The following CXADR variants were observed in gnomAD, a reference collection of about 807,000 sequenced individuals.
The protein encoded by CXADR is coxsackievirus and adenovirus receptor.
In CXADR, 20 loss-of-function variants were observed where a neutral mutation model predicts 40.3. That is an observed-to-expected ratio of 0.50 (90% CI 0.35 to 0.72). The LOEUF is 0.72. Ranked by LOEUF, CXADR falls within the 30% of genes least tolerant of loss-of-function variation. CXADR has a pLI of 0.01. For synonymous variants in CXADR, 150 were observed against 161.3 expected (o/e 0.93, Z 0.53); for missense variants, 332 against 449.1 (o/e 0.74, Z 2.36).
Position 17,567,776 on chromosome 21 carries a change from A to C in CXADR, c.*2084A>C. 1 of 906,586 alleles carries C rather than the reference A, an allele frequency of 1.1e-6. No individual in the cohort carries two copies. The highest frequency in any genetic ancestry group is 1.3e-6 in the Non-Finnish European group (1 of 757,880). The allele number at this position is 906,586 out of a possible 1,614,324, so 56.2% of individuals were successfully genotyped here. ...TAATAATAAAGTTTTGGTTCTTCCT[A>C]TTCCTGACTTTCATATAATGAAAAT... On this transcript the variant is annotated 3_prime_UTR_variant, in exon 7 of 7. Transcript: ENST00000284878.
the CXADR span, among the ~76,000 whole-genome samples, chr21:17,629,994 C>G: frequency 6.6e-6 from 1 of 152,084 alleles, no homozygotes; most frequent in Non-Finnish European, 1.5e-5. Flanking sequence ...GCCAGAATAA[C>G]CCAGGATGTC....
At chr21:17,573,512 G>C (rs933895848), downstream of CXADR, among the ~76,000 whole-genome samples, 1 of 152,110 alleles carries the variant, frequency 6.6e-6, no homozygotes, top group Non-Finnish European at 1.5e-5. Context: ...GTTATTTCAT[G>C]ATCCTCAACT....
intron 4 of CXADR, among the ~76,000 whole-genome samples, chr21:17,559,747 C>T (rs2739391): frequency 0.48 from 69,398 of 144,780 alleles, 19,912 homozygotes; most frequent in Non-Finnish European, 0.63. Context: ...GGTAGAATCT[C>T]GGCTCCCTGC....
chr21:17,565,041 G>A (rs746852714), intron 6 of CXADR, among the ~76,000 whole-genome samples: 3 of 152,152 alleles, frequency 2.0e-5, no homozygotes, highest in Non-Finnish European at 4.4e-5. Flanking sequence ...TATACCTGTA[G>A]GTGTTAGTGT....
intron 7 of CXADR, among the ~76,000 whole-genome samples, chr21:17,586,290 T>C (rs963186822): frequency 6.6e-6 from 1 of 151,428 alleles, no homozygotes; most frequent in Non-Finnish European, 1.5e-5. Flanking sequence ...TTACACATTT[T>C]GTGAAAATTT....
At position 17,536,355 on chromosome 21, in the gene CXADR, G is replaced by A. The variant is rs543314629; in HGVS notation, c.44-10672G>A. On this transcript the variant is annotated intron_variant, in intron 1 of 6. Transcript: ENST00000284878. ...TTTCCTTCCATCAGTATGTGACCAGGCTCGCTCAATTCCCTGAGCTGTTTC... is the reference window on the plus strand; with the variant it reads ...TTTCCTTCCATCAGTATGTGACCAGACTCGCTCAATTCCCTGAGCTGTTTC... Among the ~76,000 whole-genome samples, 62 of 152,070 alleles carry A rather than the reference G, an allele frequency of 4.1e-4. 1 individual carries two copies. The highest frequency in any genetic ancestry group is 2.6e-4 in the Admixed American group (4 of 15,264).
At chr21:17,557,476 G>A (rs1052649737) in intron 3 of CXADR, among the ~76,000 whole-genome samples, 3 of 152,218 alleles carry the variant, frequency 2.0e-5, no homozygotes, top group Admixed American at 6.5e-5. Flanking sequence ...GTGGCATTCC[G>A]TGGTTCCTCG....
At position 17,569,039 on chromosome 21, in the gene CXADR, T is replaced by C; in HGVS notation, c.*3347T>C. ...GTTAATCTTGGAAATTTGGAACAAG[T>C]AAAGGGGCAAGTAAACCTTTTGATG... On this transcript the variant is annotated 3_prime_UTR_variant, in exon 7 of 7. Transcript: ENST00000284878. The C allele has an allele frequency of 1.0e-6, 1 of 985,364 alleles. No individual in the cohort carries two copies. Among genetic ancestry groups the C allele is most frequent in the East Asian group, 1.1e-4 (1 of 8,814 alleles). 61.0% of individuals were successfully genotyped at this position (985,364 alleles called of 1,614,324 possible).
chr21:17,611,650 C>T, the CXADR span: 3 of 152,186 alleles, frequency 2.0e-5, no homozygotes, highest in Non-Finnish European at 2.9e-5. Flanking sequence ...AGGCGTCCTC[C>T]ACCCACACTC....
chr21:17,529,034 C>CTTTTTTTTTT (rs10530177), intron 1 of CXADR, among the ~76,000 whole-genome samples: 8 of 121,382 alleles, frequency 6.6e-5, no homozygotes, highest in African/African-American at 1.2e-4. Flanking sequence ...GACTTTTTGT[C>CTTTTTTTTTT]TTTTTTTTTT....
Position 17,568,529 on chromosome 21 carries a change from A to G in CXADR, c.*2837A>G, listed in dbSNP as rs563632350. 557 of 981,514 alleles carry G rather than the reference A, an allele frequency of 5.7e-4. 4 individuals carry two copies. In the African/African-American group the frequency reaches 9.3e-3, roughly 16 times the overall value. 60.8% of individuals were successfully genotyped at this position (981,514 alleles called of 1,614,324 possible). ...GTTACAGAGGATAATTTGAAGAGAA[A>G]TGTTACTGTAGAATATATAGTTCTG... On this transcript the variant is annotated 3_prime_UTR_variant, in exon 7 of 7. Coordinates refer to ENST00000284878, the MANE Select transcript of CXADR (RefSeq NM_001338.5).
At chr21:17,521,144 G>A (rs2060525413) in intron 1 of CXADR, among the ~76,000 whole-genome samples, 1 of 152,106 alleles carries the variant, frequency 6.6e-6, no homozygotes, top group African/African-American at 2.4e-5. Flanking sequence ...ACATGAGGAA[G>A]CAGCTGGGAG....
At chr21:17,520,349 C>G (rs186517240) in intron 1 of CXADR, among the ~76,000 whole-genome samples, 24 of 152,244 alleles carry the variant, frequency 1.6e-4, no homozygotes, top group Admixed American at 1.4e-3. Context: ...ATGTAAGGCA[C>G]CTAACCAGTG....
intron 5 of CXADR, among the ~76,000 whole-genome samples, 153 bp downstream of exon 5, chr21:17,560,977 TTTA>T (rs1159451309): frequency 6.6e-6 from 1 of 152,172 alleles, no homozygotes; most frequent in Non-Finnish European, 1.5e-5. Flanking sequence ...AAAAATACAT[TTTA>T]TTAAAAAAAC....
rs542510562 is a variant in CXADR at position 17,553,697 on chromosome 21, C to A, written c.415+1744C>A. On this transcript the variant is annotated intron_variant, in intron 3 of 6. Transcript: ENST00000284878. ...AGTGCAGTGGCATGATCTCGGCTCA[C>A]GGCAACCTCCGCCTCCTGGGTTCAA... Among the ~76,000 whole-genome samples, 4 of 151,064 alleles carry A rather than the reference C, an allele frequency of 2.6e-5. No individual in the cohort carries two copies. The East Asian group carries it at 7.8e-4, about 30-fold the overall frequency.
At chr21:17,541,557 CAA>C (rs946318424) in intron 1 of CXADR, among the ~76,000 whole-genome samples, 1 of 146,844 alleles carries the variant, frequency 6.8e-6, no homozygotes, top group Admixed American at 6.8e-5. Context: ...GACTCTGTCT[CAA>C]AAAAAAAATC....
intron 1 of CXADR, among the ~76,000 whole-genome samples, chr21:17,523,650 G>A (rs1600949335): frequency 6.6e-6 from 1 of 152,168 alleles, no homozygotes; most frequent in East Asian, 1.9e-4. Flanking sequence ...GCAAGTAGTT[G>A]ATGTGAAGAT....
chr21:17,587,587 G>A (rs956973746), intron 7 of CXADR, among the ~76,000 whole-genome samples: 1 of 152,096 alleles, frequency 6.6e-6, no homozygotes, highest in African/African-American at 2.4e-5. Flanking sequence ...CGATGGGGTT[G>A]TTTTTTTCTT....
intron 7 of CXADR, among the ~76,000 whole-genome samples, chr21:17,586,700 A>C (rs1053849241): frequency 6.6e-6 from 1 of 151,986 alleles, no homozygotes; most frequent in Non-Finnish European, 1.5e-5. Context: ...TGGATAGCCA[A>C]ATACCTATTA....
Sources: allele counts gnomAD v4.1 joint callset (sites outside exome capture counted in the v4.1 genomes callset), GRCh38; gene constraint gnomAD v4.1.1; transcripts MANE v1.5; gene names NCBI Gene and HGNC (gene_info 2026-07-23, HGNC 2026-07-21).